Variants in AP3M2 observed in about 807,000 individuals in gnomAD.
AP3M2 encodes AP-3 complex subunit mu-2.
AP3M2 carries 28 observed loss-of-function variants against 41.6 expected under a neutral mutation model. That is an observed-to-expected ratio of 0.67 (90% CI 0.50 to 0.92). The LOEUF is 0.92. Among genes scored for constraint, AP3M2 ranks in the 40% least tolerant of loss-of-function variants. AP3M2 has a pLI of 0.00. For missense variants in AP3M2, 427 were observed against 521.4 expected, an observed-to-expected ratio of 0.82 and a Z score of 1.76; for synonymous variants, 193 against 186.4, an observed-to-expected ratio of 1.04 and a Z score of -0.29.
intron 2 of AP3M2, among the ~76,000 whole-genome samples, chr8:42,156,652 A>G (rs986590644): frequency 6.6e-6 from 1 of 152,148 alleles, no homozygotes; most frequent in Non-Finnish European, 1.5e-5. Context: ...TTAAAGAGGA[A>G]ATCTTTTTGT....
rs1360689832 is a variant in AP3M2, at chr8:42,165,451, AGCTTC to A, written c.695_699del (p.Ser232ThrfsTer12). 1 of 1,614,198 alleles carries A rather than the reference AGCTTC, an allele frequency of 6.2e-7. No homozygotes were observed. Among genetic ancestry groups the A allele is most frequent in the Non-Finnish European group, 8.5e-7 (1 of 1,180,036 alleles). Reference sequence around the variant, plus strand: ...GAACCCTAGGTTGTTGGATGATGTCAGCTTCCATCCTTGTGTTCGTTTCAAACGCT... The same window carrying A: ...GAACCCTAGGTTGTTGGATGATGTCACATCCTTGTGTTCGTTTCAAACGCT... On this transcript the variant is annotated frameshift_variant, in exon 6 of 9. Transcript: ENST00000396926. LOFTEE classifies it high-confidence loss of function.
Position 42,162,189 on chromosome 8 carries a change from T to C in AP3M2, c.446-92T>C, listed in dbSNP as rs923176748. ...TTGAAAAATTCTTCAATTGAGTGCATGAATAGTGGGAGCATAGAAACTTCT... is the reference window on the plus strand; with the variant it reads ...TTGAAAAATTCTTCAATTGAGTGCACGAATAGTGGGAGCATAGAAACTTCT... On this transcript the variant is annotated intron_variant, in intron 3 of 8. Transcript: ENST00000396926. 11 of 1,283,352 alleles carry C rather than the reference T, an allele frequency of 8.6e-6. No individual in the cohort carries two copies. In the African/African-American group the frequency reaches 1.2e-4, roughly 14 times the overall value. The allele number at this position is 1,283,352 out of a possible 1,614,324, so 79.5% of individuals were successfully genotyped here.
intron 2 of AP3M2, 56 bp downstream of exon 2, chr8:42,155,016 T>C (rs946444157): frequency 7.0e-7 from 1 of 1,430,718 alleles, no homozygotes; most frequent in Non-Finnish European, 9.7e-7. Context: ...TTTGTAGTCC[T>C]GTTTCCATTG....
Position 42,154,682 on chromosome 8 carries a change from G to T in AP3M2, c.-6G>T. ...AGGCTTTCTTCTGTCACTGACAATCGCCACCATGATCCATAGTCTTTTCTT... is the reference window on the plus strand; with the variant it reads ...AGGCTTTCTTCTGTCACTGACAATCTCCACCATGATCCATAGTCTTTTCTT... On this transcript the variant is annotated 5_prime_UTR_variant, in exon 2 of 9. Transcript: ENST00000396926. The T allele has an allele frequency of 6.2e-7, 1 of 1,612,258 alleles. No individual in the cohort carries two copies. The highest frequency in any genetic ancestry group is 8.5e-7 in the Non-Finnish European group (1 of 1,178,938).
Position 42,167,331 on chromosome 8 carries a change from C to T in AP3M2, c.971C>T (p.Thr324Ile), listed in dbSNP as rs1804668119. Residue 324 changes from threonine (T) to isoleucine (I), a missense_variant, in exon 7 of 9, where the codon ACT becomes ATT. Physicochemically the swap from Thr to Ile is moderately conservative, Grantham distance 89 (BLOSUM62 -1). Around this residue, in one of 3 missense-constraint regions of AP3M2, gnomAD observed 237 missense variants for 284.9 expected, o/e 0.83. Transcript: ENST00000396926. ...AAGGGGGTCCTGAACATGAGCCTTA[C>T]TCCATCACAGGGGACACACACATTC... is the stretch of plus-strand genomic sequence containing the variant. ...MPKGVLNMSLTPSQGTHTFDP... is the reference protein window; with the variant it reads ...MPKGVLNMSLIPSQGTHTFDP... 4.3e-6 allele frequency: 7 copies of T among 1,614,182 alleles called. No homozygotes were observed. Among genetic ancestry groups the T allele is most frequent in the Non-Finnish European group, 5.9e-6 (7 of 1,180,040 alleles).
intron 2 of AP3M2, 136 bp downstream of exon 2, chr8:42,155,096 C>G: frequency 1.4e-6 from 1 of 723,470 alleles, no homozygotes; most frequent in South Asian, 1.9e-5. Flanking sequence ...CCTCTCCCAT[C>G]TGATAAGATT....
chr8:42,163,338 G>T (rs1804558919), intron 4 of AP3M2, among the ~76,000 whole-genome samples: 1 of 152,206 alleles, frequency 6.6e-6, no homozygotes, highest in Non-Finnish European at 1.5e-5. Context: ...TTTCACATTA[G>T]TGAACTTATT....
chr8:42,170,535 G>A lies in AP3M2; in HGVS notation c.*1474G>A, dbSNP rs1804771588. ...AAGGAATGATACTGTGCTCTGCTTG[G>A]TGCATGGAGAAAAAGGAAGACCCGT... On this transcript the variant is annotated 3_prime_UTR_variant, in exon 9 of 9. Coordinates refer to ENST00000396926, the MANE Select transcript of AP3M2 (RefSeq NM_006803.4). 6.6e-6 allele frequency: 1 copy of A among 152,160 alleles called. No homozygotes were observed. 9.4% of individuals were successfully genotyped at this position (152,160 alleles called of 1,614,324 possible). A position where few individuals can be genotyped will look rare whatever the true frequency, so the allele number is the denominator to read the frequency against.
intron 8 of AP3M2, chr8:42,168,199 G>T (rs1216553342): frequency 8.7e-6 from 4 of 462,096 alleles, no homozygotes; most frequent in South Asian, 3.1e-5. Context: ...GTTTTCAGAA[G>T]ACTTTCATGT....
chr8:42,163,836 C>CTGTA (rs975443084), intron 4 of AP3M2, among the ~76,000 whole-genome samples: 6 of 152,154 alleles, frequency 3.9e-5, no homozygotes, highest in Admixed American at 3.9e-4. Flanking sequence ...ATTCATTGAG[C>CTGTA]TGTACACTTT....
At chr8:42,161,617 T>C (rs1464932391) in intron 3 of AP3M2, among the ~76,000 whole-genome samples, 1 of 152,014 alleles carries the variant, frequency 6.6e-6, no homozygotes, top group Non-Finnish European at 1.5e-5. Context: ...TAAAAAAAAT[T>C]TTGTTTAAAG....
At position 42,169,254 on chromosome 8, in the gene AP3M2, G is replaced by GACC; in HGVS notation, c.*194_*195insCCA. ...TCACCAGGGAGAACTGGACAGAACT[G>GACC]AAACACAGCAACACCAGTTCTCAAG... On this transcript the variant is annotated 3_prime_UTR_variant, in exon 9 of 9. Transcript: ENST00000396926. 2.1e-6 allele frequency: 1 copy of GACC among 481,368 alleles called. No homozygotes were observed. Among genetic ancestry groups the GACC allele is most frequent in the Non-Finnish European group, 3.6e-6 (1 of 274,654 alleles). The allele number at this position is 481,368 out of a possible 1,614,324, so 29.8% of individuals were successfully genotyped here.
chr8:42,165,074 C>T lies in AP3M2; in HGVS notation c.587C>T (p.Ser196Phe). ...TTTTGTCTTATTCCTGTCTCAGGCT[C>T]CACAATTACTGCTGAGATCCAGGGG... is the stretch of plus-strand genomic sequence containing the variant. Reference protein sequence around the residue: ...EIDAIIDKSGSTITAEIQGVI... With the variant: ...EIDAIIDKSGFTITAEIQGVI... Residue 196 changes from serine to phenylalanine, a missense_variant, in exon 5 of 9, where the codon TCC becomes TTC. Ser to Phe is a radical substitution (Grantham distance 155, BLOSUM62 -2). This residue lies in a region of AP3M2 where 237 missense variants were observed against 284.9 expected (regional missense o/e 0.83). Transcript: ENST00000396926. 6.2e-7 allele frequency: 1 copy of T among 1,613,598 alleles called. No individual in the cohort carries two copies. The highest frequency in any genetic ancestry group is 8.5e-7 in the Non-Finnish European group (1 of 1,179,826).
At chr8:42,163,227 G>A (rs756253777) in intron 4 of AP3M2, among the ~76,000 whole-genome samples, 10 of 152,164 alleles carry the variant, frequency 6.6e-5, no homozygotes, top group Admixed American at 5.2e-4. Context: ...TGGAGACTGC[G>A]GTGAGCTATG....
chr8:42,153,862 T>A (rs1804280709), intron 1 of AP3M2: 1 of 152,040 alleles, frequency 6.6e-6, no homozygotes, highest in Admixed American at 6.5e-5. Flanking sequence ...TCTGATTGGA[T>A]GAATAAAGAC....
At chr8:42,163,176 A>C (rs1450897080) in intron 4 of AP3M2, among the ~76,000 whole-genome samples, 1 of 151,936 alleles carries the variant, frequency 6.6e-6, no homozygotes, top group Non-Finnish European at 1.5e-5. Flanking sequence ...AGTCCCAATT[A>C]TTGGGAGGCT....
intron 1 of AP3M2, 153 bp from the exon 2 acceptor site, chr8:42,154,463 C>G (rs149128525): frequency 1.4e-4 from 75 of 546,122 alleles, no homozygotes; most frequent in African/African-American, 1.1e-3. Flanking sequence ...TGATCATTAT[C>G]GTTTCGAATT....
At position 42,167,668 on chromosome 8, in the gene AP3M2, G is replaced by A; in HGVS notation, c.1014G>A (p.Met338Ile). Residue 338 changes from methionine to isoleucine, a missense_variant and splice_region_variant, in exon 8 of 9, where the codon ATG (methionine) becomes ATA (isoleucine). Physicochemically the swap from Met to Ile is conservative, Grantham distance 10. Transcript: ENST00000396926. ...CTCCATTTTTATTTTCTTTGAAGAT[G>A]CTGTCTTGGGATGTAGGAAAAATAA... is the stretch of plus-strand genomic sequence containing the variant. ...GTHTFDPVTK[M>I]LSWDVGKINP... is the part of the protein sequence containing the mutation. 1 of 1,598,592 alleles carries A rather than the reference G, an allele frequency of 6.3e-7. No individual in the cohort carries two copies. Among genetic ancestry groups the A allele is most frequent in the Non-Finnish European group, 8.5e-7 (1 of 1,176,188 alleles).
Position 42,167,942 on chromosome 8 carries a change from T to G in AP3M2, c.1156+132T>G, listed in dbSNP as rs1052368188. On this transcript the variant is annotated intron_variant, in intron 8 of 8. Coordinates refer to ENST00000396926, the MANE Select transcript of AP3M2 (RefSeq NM_006803.4). ...GTTTCATTACCTGATAAACAATCTTTAGTAACATCTTTTCTGGCATGTTTC... is the reference window on the plus strand; with the variant it reads ...GTTTCATTACCTGATAAACAATCTTGAGTAACATCTTTTCTGGCATGTTTC... 6.0e-6 allele frequency: 7 copies of G among 1,170,690 alleles called. No individual in the cohort carries two copies. In the East Asian group the frequency reaches 1.2e-4, roughly 20 times the overall value. The allele number at this position is 1,170,690 out of a possible 1,614,324, so 72.5% of individuals were successfully genotyped here. A position where few individuals can be genotyped will look rare whatever the true frequency, so the allele number is the denominator to read the frequency against.
Sources: allele counts gnomAD v4.1 joint callset (sites outside exome capture counted in the v4.1 genomes callset), GRCh38; gene constraint gnomAD v4.1.1; regional missense constraint gnomAD v4.1.1; transcripts MANE v1.5; gene names NCBI Gene and HGNC (gene_info 2026-07-23, HGNC 2026-07-21).